Variants in LY9 observed in about 807,000 individuals in gnomAD.
LY9 encodes the protein T-lymphocyte surface antigen Ly-9.
LY9 carries 59 observed loss-of-function variants against 64.6 expected under a neutral mutation model. That is an observed-to-expected ratio of 0.91 (90% confidence interval 0.74 to 1.13). The LOEUF is 1.13. Ranked by LOEUF, LY9 falls within the 50% of genes most tolerant of loss-of-function variation. The pLI is 0.00. For synonymous variants in LY9, 281 were observed against 308.5 expected (o/e 0.91, Z 0.93); for missense variants, 789 against 797.2 (o/e 0.99, Z 0.12).
At chr1:160,801,756 C>A (rs753768207) in intron 2 of LY9, 6 of 1,541,282 alleles carry the variant, frequency 3.9e-6, no homozygotes, top group Non-Finnish European at 5.4e-6. Flanking sequence ...GGTTCAACTT[C>A]ATTCTTCTGC....
rs1274805021 is a variant in LY9 at position 160,824,037 on chromosome 1, C to T, written c.1831-144C>T. 7 of 972,280 alleles carry T rather than the reference C, an allele frequency of 7.2e-6. No homozygotes were observed. The East Asian group carries it at 1.4e-4, about 20-fold the overall frequency. The allele number at this position is 972,280 out of a possible 1,614,324, so 60.2% of individuals were successfully genotyped here. A position where few individuals can be genotyped will look rare whatever the true frequency, so the allele number is the denominator to read the frequency against. On this transcript the variant is annotated intron_variant, in intron 8 of 9. Coordinates refer to ENST00000263285, the MANE Select transcript of LY9 (RefSeq NM_002348.4). ...AAGGAAGGTGTTGGAGAACCAGAGG[C>T]ACCGTCCCCACTGCACTAAGGCAGC...
chr1:160,823,972 G>A (rs1668688342), intron 8 of LY9, among the ~76,000 whole-genome samples, 176 bp downstream of exon 8: 2 of 152,134 alleles, frequency 1.3e-5, no homozygotes, highest in South Asian at 2.1e-4. Context: ...CCTGTGGAAC[G>A]AGGGACTTGT....
intron 2 of LY9, among the ~76,000 whole-genome samples, chr1:160,805,018 G>C (rs959374654): frequency 6.6e-6 from 1 of 151,958 alleles, no homozygotes. Context: ...TAGCTAGCAG[G>C]TTATTAATTT....
intron 2 of LY9, among the ~76,000 whole-genome samples, chr1:160,804,675 T>C (rs1666811439): frequency 6.6e-6 from 1 of 152,172 alleles, no homozygotes; most frequent in African/African-American, 2.4e-5. Context: ...TTAGTTATTA[T>C]TTGTATATTT....
intron 6 of LY9, 128 bp from the exon 7 acceptor site, chr1:160,819,193 C>A: frequency 1.3e-6 from 1 of 749,778 alleles, no homozygotes; most frequent in Admixed American, 1.8e-5. Flanking sequence ...GGTTCATCCT[C>A]CTTCCTGAAG....
Position 160,813,869 on chromosome 1 carries a change from C to A in LY9, c.688C>A (p.Gln230Lys). ...CTGCACAGCCCAGAACCCCGTCAGCCAGAGAAGCTCCCTCCCTGTCCATGT... is the reference window on the plus strand; with the variant it reads ...CTGCACAGCCCAGAACCCCGTCAGCAAGAGAAGCTCCCTCCCTGTCCATGT... ...YICTAQNPVS[Q>K]RSSLPVHVGQ... Residue 230 changes from glutamine (Q) to lysine (K), a missense_variant, in exon 3 of 10, where the codon CAG (glutamine) becomes AAG (lysine). Transcript: ENST00000263285. 3 of 1,614,198 alleles carry A rather than the reference C, an allele frequency of 1.9e-6. No individual in the cohort carries two copies. Among genetic ancestry groups the A allele is most frequent in the Non-Finnish European group, 2.5e-6 (3 of 1,180,028 alleles).
At position 160,813,925 on chromosome 1, in the gene LY9, A is replaced by G. The variant is rs746537626; in HGVS notation, c.730+14A>G. The stretch of plus-strand genomic sequence containing the variant: ...AGTTCTGTACAGGTAACTGGCTCCA[A>G]CTTGGCCCTTGAGGGAATTCCAGAA... On this transcript the variant is annotated intron_variant, in intron 3 of 9. Coordinates refer to ENST00000263285, the MANE Select transcript of LY9 (RefSeq NM_002348.4). 6 of 1,606,516 alleles carry G rather than the reference A, an allele frequency of 3.7e-6. No individual in the cohort carries two copies. The Admixed American group carries it at 5.1e-5, about 14-fold the overall frequency.
chr1:160,813,718 C>T lies in LY9; in HGVS notation c.537C>T (p.Ser179=), dbSNP rs143381957. The stretch of plus-strand genomic sequence containing the variant: ...CCTGTAACATCACTCTAATGTGCTC[C>T]GTGAAGGGGGCAGAGAAAAGTGTTC... The part of the protein sequence containing the change: ...NFSCNITLMC[S]VKGAEKSVLY... Residue 179 remains serine, a synonymous_variant, in exon 3 of 10, where the codon TCC becomes TCT. Transcript: ENST00000263285. 6.3e-5 allele frequency: 102 copies of T among 1,614,126 alleles called. No individual in the cohort carries two copies. In the East Asian group the frequency reaches 1.9e-3, roughly 30 times the overall value.
At chr1:160,800,172 T>C (rs1173064445) in intron 2 of LY9, 90 bp downstream of exon 2, 2 of 938,190 alleles carry the variant, frequency 2.1e-6, no homozygotes, top group African/African-American at 3.3e-5. Context: ...GTTATATGTA[T>C]ATAGTGCATA....
Position 160,813,870 on chromosome 1 carries a change from A to G in LY9, c.689A>G (p.Gln230Arg). Reference protein sequence around the residue: ...YICTAQNPVSQRSSLPVHVGQ... With the variant: ...YICTAQNPVSRRSSLPVHVGQ... The stretch of plus-strand genomic sequence containing the variant: ...TGCACAGCCCAGAACCCCGTCAGCC[A>G]GAGAAGCTCCCTCCCTGTCCATGTT... Residue 230 changes from glutamine (Q) to arginine (R), a missense_variant, in exon 3 of 10, where the codon CAG (glutamine) becomes CGG (arginine). Transcript: ENST00000263285. 1 of 1,614,188 alleles carries G rather than the reference A, an allele frequency of 6.2e-7. No individual in the cohort carries two copies. Among genetic ancestry groups the G allele is most frequent in the Non-Finnish European group, 8.5e-7 (1 of 1,180,038 alleles).
chr1:160,820,511 A>T (rs1668332651), intron 7 of LY9, among the ~76,000 whole-genome samples: 1 of 152,236 alleles, frequency 6.6e-6, no homozygotes, highest in Non-Finnish European at 1.5e-5. Context: ...GGCAGGGAGC[A>T]TGTGACGATA....
At chr1:160,809,067 C>T (rs190988145) in intron 2 of LY9, among the ~76,000 whole-genome samples, 204 of 152,204 alleles carry the variant, frequency 1.3e-3, no homozygotes, top group Non-Finnish European at 2.1e-3. Context: ...CTCTTATAAA[C>T]AATGCTGCAA....
chr1:160,813,488 C>G, intron 2 of LY9, 148 bp from the exon 3 acceptor site: 1 of 704,894 alleles, frequency 1.4e-6, no homozygotes, highest in Non-Finnish European at 2.3e-6. Context: ...AGGCTGTCAA[C>G]CCAGCCTGCA....
chr1:160,799,932 A>G lies in LY9; in HGVS notation c.304A>G (p.Ser102Gly), dbSNP rs1426244927. Residue 102 changes from serine (S) to glycine (G), a missense_variant, in exon 2 of 10, where the codon AGC (serine) becomes GGC (glycine). Coordinates refer to ENST00000263285, the MANE Select transcript of LY9 (RefSeq NM_002348.4). ...AGAAAATGTAACCATTATGGTCAAA[A>G]GCTACCTGGGCCGACTAGACATCAC... is the stretch of plus-strand genomic sequence containing the variant. ...PKENVTIMVK[S>G]YLGRLDITKW... The G allele has an allele frequency of 6.2e-7, 1 of 1,614,068 alleles. No individual in the cohort carries two copies. Among genetic ancestry groups the G allele is most frequent in the Non-Finnish European group, 8.5e-7 (1 of 1,180,042 alleles).
chr1:160,820,770 G>A (rs1034391225), intron 7 of LY9, among the ~76,000 whole-genome samples: 1 of 151,476 alleles, frequency 6.6e-6, no homozygotes, highest in African/African-American at 2.4e-5. Context: ...ACCTCTCCAA[G>A]GTCTCCTCTT....
At chr1:160,804,510 G>C (rs958841648) in intron 2 of LY9, among the ~76,000 whole-genome samples, 13 of 152,126 alleles carry the variant, frequency 8.5e-5, no homozygotes, top group Non-Finnish European at 1.6e-4. Context: ...GAGGATTGTT[G>C]CATCTATGTT....
chr1:160,814,690 C>T lies in LY9; in HGVS notation c.1001C>T (p.Pro334Leu). Reference sequence around the variant, plus strand: ...CAGCTGAAGATAGAGGACGCCGGCCCCTACCATGCCTACGTGTGCTCAGAG... The same window carrying T: ...CAGCTGAAGATAGAGGACGCCGGCCTCTACCATGCCTACGTGTGCTCAGAG... ...ISQLKIEDAG[P>L]YHAYVCSEAS... Residue 334 changes from proline (P) to leucine (L), a missense_variant, in exon 4 of 10, where the codon CCC becomes CTC. Physicochemically the swap from Pro to Leu is moderately conservative, Grantham distance 98 (BLOSUM62 -3). Coordinates refer to ENST00000263285, the MANE Select transcript of LY9 (RefSeq NM_002348.4). 4 of 1,614,174 alleles carry T rather than the reference C, an allele frequency of 2.5e-6. No homozygotes were observed. The highest frequency in any genetic ancestry group is 3.4e-6 in the Non-Finnish European group (4 of 1,180,026).
chr1:160,807,175 G>A (rs548825765), intron 2 of LY9, among the ~76,000 whole-genome samples: 16 of 152,012 alleles, frequency 1.1e-4, no homozygotes, highest in African/African-American at 3.9e-4. Flanking sequence ...GAATTCTCTT[G>A]TATCTCACTG....
At chr1:160,809,097 A>G (rs976577877) in intron 2 of LY9, among the ~76,000 whole-genome samples, 1 of 152,038 alleles carries the variant, frequency 6.6e-6, no homozygotes, top group South Asian at 2.1e-4. Flanking sequence ...TTGTGCACCT[A>G]TCTTTTCACG....
Sources: gnomAD v4.1 joint callset for allele counts (sites outside exome capture counted in the v4.1 genomes callset) on GRCh38, gnomAD v4.1.1 for gene constraint, MANE v1.5 for transcripts, NCBI Gene and HGNC (gene_info 2026-07-23, HGNC 2026-07-21) for gene names.